The following PPM1L variants were observed in gnomAD, a reference collection of about 807,000 sequenced individuals.
The protein encoded by PPM1L is protein phosphatase 1L.
PPM1L carries 13 observed loss-of-function variants against 31.4 expected under a neutral mutation model. That is an observed-to-expected ratio of 0.41 (90% CI 0.27 to 0.66). PPM1L has a LOEUF of 0.66. Ranked by LOEUF, PPM1L falls within the 30% of genes least tolerant of loss-of-function variation. The pLI, the probability that PPM1L is intolerant of heterozygous loss-of-function variation, is 0.29. For synonymous variants in PPM1L, 184 were observed against 175.4 expected (o/e 1.05, Z -0.39); for missense variants, 326 against 453.7 (o/e 0.72, Z 2.56).
intron 2 of PPM1L, among the ~76,000 whole-genome samples, chr3:161,012,704 T>C (rs1439978575): frequency 6.6e-6 from 1 of 152,168 alleles, no homozygotes; most frequent in Admixed American, 6.5e-5. Flanking sequence ...GCTCCTGTTA[T>C]TGGTCTATTC....
chr3:160,795,821 C>G (rs980451134), intron 1 of PPM1L, among the ~76,000 whole-genome samples: 1 of 152,202 alleles, frequency 6.6e-6, no homozygotes, highest in African/African-American at 2.4e-5. Context: ...AGACTGCAAA[C>G]TTACCCCCAC....
chr3:160,780,581 T>A (rs1711713887), intron 1 of PPM1L, among the ~76,000 whole-genome samples: 1 of 152,216 alleles, frequency 6.6e-6, no homozygotes, highest in South Asian at 2.1e-4. Flanking sequence ...CTAGTTCAGC[T>A]TTCATGACAG....
Position 161,069,407 on chromosome 3 carries a change from T to TA in PPM1L, c.*253dup. 1 of 505,402 alleles carries TA rather than the reference T, an allele frequency of 2.0e-6. No homozygotes were observed. The highest frequency in any genetic ancestry group is 2.5e-5 in the South Asian group (1 of 40,598). The allele number at this position is 505,402 out of a possible 1,614,324, so 31.3% of individuals were successfully genotyped here. A position where few individuals can be genotyped will look rare whatever the true frequency, so the allele number is the denominator to read the frequency against. ...TCATCCAGTGTCCAAAATATATAAG[T>TA]AAATAGCTGTAGAGTCACATATATG... On this transcript the variant is annotated 3_prime_UTR_variant, in exon 4 of 4. Transcript: ENST00000498165.
chr3:160,854,425 G>A (rs563312047), intron 1 of PPM1L, among the ~76,000 whole-genome samples: 1 of 152,172 alleles, frequency 6.6e-6, no homozygotes, highest in Non-Finnish European at 1.5e-5. Flanking sequence ...CATGAGTAGG[G>A]AACAGTGAAG....
chr3:160,882,340 T>A (rs956232007), intron 1 of PPM1L: 1 of 152,196 alleles, frequency 6.6e-6, no homozygotes, highest in African/African-American at 2.4e-5. Context: ...AGTTGAAGTT[T>A]GAATTAATGA....
At chr3:161,038,360 G>A (rs1177044809) in intron 2 of PPM1L, among the ~76,000 whole-genome samples, 2 of 151,796 alleles carry the variant, frequency 1.3e-5, no homozygotes, top group Non-Finnish European at 2.9e-5. Context: ...CACCCAGGCT[G>A]GAGTACAGTG....
intron 1 of PPM1L, among the ~76,000 whole-genome samples, chr3:160,920,621 A>T (rs935317544): frequency 0.03 from 2,099 of 70,496 alleles, 61 homozygotes; most frequent in African/African-American, 0.091. Flanking sequence ...TCTCTCACAC[A>T]CACACACACA....
chr3:160,804,869 T>C (rs757115991), intron 1 of PPM1L, among the ~76,000 whole-genome samples: 2 of 152,224 alleles, frequency 1.3e-5, no homozygotes, highest in African/African-American at 2.4e-5. Context: ...GGTTAGCCCC[T>C]ATAGTACTGA....
intron 2 of PPM1L, among the ~76,000 whole-genome samples, chr3:161,046,025 G>C (rs1719052189): frequency 6.9e-6 from 1 of 144,834 alleles, no homozygotes; most frequent in Non-Finnish European, 1.5e-5. Context: ...GCAGGAGAAT[G>C]CTATGAACCC....
intron 2 of PPM1L, chr3:161,022,054 A>T: frequency 5.9e-6 from 3 of 510,528 alleles, no homozygotes; most frequent in Non-Finnish European, 1.0e-5. Flanking sequence ...TGTTTTTTAT[A>T]TGTCTTATGT....
At chr3:160,923,454 T>C (rs1714480863) in intron 1 of PPM1L, among the ~76,000 whole-genome samples, 1 of 152,236 alleles carries the variant, frequency 6.6e-6, no homozygotes, top group Non-Finnish European at 1.5e-5. Context: ...TCCCTCAAGA[T>C]AACTTAGAAA....
intron 1 of PPM1L, among the ~76,000 whole-genome samples, chr3:160,836,333 A>G: frequency 6.6e-6 from 1 of 152,132 alleles, no homozygotes; most frequent in East Asian, 1.9e-4. Flanking sequence ...AGAGAGAGAG[A>G]GAGAGAGAGA....
chr3:160,909,706 A>G (rs752655147), intron 1 of PPM1L, among the ~76,000 whole-genome samples: 15 of 152,262 alleles, frequency 9.9e-5, no homozygotes, highest in Non-Finnish European at 2.1e-4. Context: ...AGAAGAAATC[A>G]AAGAACTAAG....
intron 1 of PPM1L, among the ~76,000 whole-genome samples, chr3:160,875,327 G>C (rs557308964): frequency 6.6e-6 from 1 of 152,104 alleles, no homozygotes; most frequent in Non-Finnish European, 1.5e-5. Flanking sequence ...GAGCTTTATT[G>C]CTGTTAGAAA....
At chr3:160,846,303 A>G (rs1213985068) in intron 1 of PPM1L, among the ~76,000 whole-genome samples, 2 of 152,080 alleles carry the variant, frequency 1.3e-5, no homozygotes, top group Non-Finnish European at 2.9e-5. Flanking sequence ...TCATTAACAG[A>G]ATATAAATTT....
intron 2 of PPM1L, among the ~76,000 whole-genome samples, chr3:161,041,171 A>G (rs908993789): frequency 3.9e-5 from 6 of 152,196 alleles, no homozygotes; most frequent in African/African-American, 1.2e-4. Flanking sequence ...GACAAACTCA[A>G]CCAATGACAA....
chr3:160,867,227 T>G (rs2108026448), intron 1 of PPM1L, among the ~76,000 whole-genome samples: 1 of 152,314 alleles, frequency 6.6e-6, no homozygotes, highest in East Asian at 1.9e-4. Flanking sequence ...TTTTGAATTT[T>G]TAATGAACTC....
At position 161,065,531 on chromosome 3, in the gene PPM1L, C is replaced by T. The variant is rs1400048978; in HGVS notation, c.703C>T (p.Gln235Ter). Residue 235 changes from glutamine (Q) to a stop codon, truncating the protein, a stop_gained, in exon 3 of 4, where the codon CAG becomes TAG. Transcript: ENST00000498165. LOFTEE classifies it high-confidence loss of function. ...TTTGTCTCATGATCACAAGCCTTAC[C>T]AGTTGAAGGAAAGAAAGAGGATAAA... Reference protein sequence around the residue: ...IPLSHDHKPYQLKERKRIKRA... With the variant: ...IPLSHDHKPY 1.2e-6 allele frequency: 2 copies of T among 1,613,952 alleles called. No homozygotes were observed. The highest frequency in any genetic ancestry group is 1.1e-5 in the South Asian group (1 of 91,064).
At position 160,756,579 on chromosome 3, in the gene PPM1L, C is replaced by A. The variant is rs199550062; in HGVS notation, c.271C>A (p.His91Asn). ...EFSKTWEFKN[H>N]NVAVYSIQGR... is the part of the protein sequence containing the mutation. ...TTCCAAGACCTGGGAGTTCAAGAAC[C>A]ACAACGTGGCGGTGTACTCCATCCA... The change falls in exon 1 of 4, where the codon CAC becomes AAC. Residue 91 changes from histidine (H) to asparagine (N), a missense_variant. Coordinates refer to ENST00000498165, the MANE Select transcript of PPM1L (RefSeq NM_139245.4). This position sits in a 1 kb window ranked among gnomAD's most constrained non-coding sequence, Gnocchi z 6.2. 1 of 1,614,120 alleles carries A rather than the reference C, an allele frequency of 6.2e-7. No individual in the cohort carries two copies.
Sources: gnomAD v4.1 joint callset for allele counts (sites outside exome capture counted in the v4.1 genomes callset) on GRCh38, gnomAD v4.1.1 for gene constraint, Gnocchi (gnomAD v3.1) non-coding constraint, MANE v1.5 for transcripts, NCBI Gene and HGNC (gene_info 2026-07-23, HGNC 2026-07-21) for gene names.